The following SEMA3A variants were observed in gnomAD, a reference collection of about 807,000 sequenced individuals.
The protein encoded by SEMA3A is semaphorin 3A.
Under a neutral mutation model 97.9 loss-of-function variants are expected in SEMA3A, and 29 were observed. The ratio of observed to expected loss-of-function variants is 0.30; its 90% confidence interval spans 0.22 to 0.40. The LOEUF (loss-of-function observed/expected upper bound fraction) is 0.40. SEMA3A is among the 10% of genes least tolerant of loss of function. The pLI, the probability that SEMA3A is intolerant of heterozygous loss-of-function variation, is 1.00. For missense variants in SEMA3A, 763 were observed against 951.3 expected, an observed-to-expected ratio of 0.80 and a Z score of 2.60; for synonymous variants, 321 against 323.7, an observed-to-expected ratio of 0.99 and a Z score of 0.09.
At chr7:84,321,508 C>T (rs1003006552) in intron 2 of SEMA3A, among the ~76,000 whole-genome samples, 1 of 152,042 alleles carries the variant, frequency 6.6e-6, no homozygotes, top group Non-Finnish European at 1.5e-5. Flanking sequence ...TGCAACTAAC[C>T]AGTTATGTGA....
At chr7:84,215,223 T>C (rs1798720857) in intron 3 of SEMA3A, among the ~76,000 whole-genome samples, 1 of 151,972 alleles carries the variant, frequency 6.6e-6, no homozygotes, top group South Asian at 2.1e-4. Flanking sequence ...TTTACTCTTG[T>C]TGCCCAGGCT....
chr7:84,226,357 AC>A (rs1240344647), intron 3 of SEMA3A, among the ~76,000 whole-genome samples: 1 of 152,102 alleles, frequency 6.6e-6, no homozygotes, highest in African/African-American at 2.4e-5. Flanking sequence ...ATAAAGCTTT[AC>A]AAAAACTAAA....
chr7:84,162,922 G>C (rs1398174037), intron 1 of SEMA3A, among the ~76,000 whole-genome samples: 1 of 152,120 alleles, frequency 6.6e-6, no homozygotes, highest in Non-Finnish European at 1.5e-5. Flanking sequence ...TAGAAACTTC[G>C]ATAAGTACCT....
At chr7:84,138,964 G>A (rs1328038303) in intron 1 of SEMA3A, among the ~76,000 whole-genome samples, 1 of 151,888 alleles carries the variant, frequency 6.6e-6, no homozygotes, top group Non-Finnish European at 1.5e-5. Context: ...TCAGTATTCT[G>A]TTTTCCTTAG....
chr7:84,430,152 C>A (rs992620242), intron 1 of SEMA3A, among the ~76,000 whole-genome samples: 1 of 151,822 alleles, frequency 6.6e-6, no homozygotes, highest in African/African-American at 2.4e-5. Context: ...GCACAATTTT[C>A]TTTCATTTGT....
intron 2 of SEMA3A, among the ~76,000 whole-genome samples, chr7:84,321,892 AAAAAAAAG>A (rs1325400014): frequency 5.8e-4 from 70 of 121,434 alleles, no homozygotes; most frequent in African/African-American, 1.4e-3. Context: ...AAAAAAAAAA[AAAAAAAAG>A]AAGAAGAAGA....
intron 5 of SEMA3A, among the ~76,000 whole-genome samples, chr7:84,054,783 C>G (rs1452182128): frequency 3.4e-5 from 5 of 146,874 alleles, no homozygotes; most frequent in Non-Finnish European, 6.0e-5. Flanking sequence ...AGGCGCTCTG[C>G]TTTTTAGAGT....
intron 1 of SEMA3A, among the ~76,000 whole-genome samples, chr7:84,402,188 T>TA (rs1803923255): frequency 6.6e-6 from 1 of 151,962 alleles, no homozygotes; most frequent in African/African-American, 2.4e-5. Flanking sequence ...AATTTAAAAA[T>TA]AAAAAAGGCC....
intron 15 of SEMA3A, among the ~76,000 whole-genome samples, chr7:83,972,117 T>A (rs1648530453): frequency 6.6e-6 from 1 of 151,968 alleles, no homozygotes; most frequent in South Asian, 2.1e-4. Flanking sequence ...ATACAAATGG[T>A]TAAACAGTCA....
intron 3 of SEMA3A, among the ~76,000 whole-genome samples, chr7:84,264,821 G>A (rs1370071124): frequency 6.6e-6 from 1 of 152,142 alleles, no homozygotes; most frequent in African/African-American, 2.4e-5. Flanking sequence ...ACTGTCTCCT[G>A]TAAGTAATCC....
In SEMA3A at chr7:84,363,693, C is replaced by A. The variant is rs369072762; in HGVS notation, c.-169+8131G>T. 6.6e-5 allele frequency among the ~76,000 whole-genome samples: 10 copies of A among 151,916 alleles called. 2 individuals carry two copies. Among genetic ancestry groups the A allele is most frequent in the Admixed American group, 6.6e-5 (1 of 15,198 alleles). ...TGTAACTTTCACAACTATTCTGCTCCTCTTCTATAGCAGCTGTGCTCTTTT... is the reference window on the plus strand; with the variant it reads ...TGTAACTTTCACAACTATTCTGCTCATCTTCTATAGCAGCTGTGCTCTTTT... On this transcript the variant is annotated intron_variant, in intron 2 of 3. Transcript: ENST00000424555.
rs953640835 is a variant in SEMA3A, at chr7:84,376,496, T to G, written c.-245-4596A>C. ...GCGGGCGCCTGTAGTCCCAGCTACT[T>G]GGGAGGCTGAGGCAGGAGAATGGCG... On this transcript the variant is annotated intron_variant, in intron 1 of 3. Coordinates refer to the SEMA3A transcript ENST00000424555. Among the ~76,000 whole-genome samples the G allele has an allele frequency of 6.7e-5, 9 of 134,952 alleles. 1 individual carries two copies. Among genetic ancestry groups the G allele is most frequent in the Non-Finnish European group, 1.4e-4 (9 of 64,162 alleles). The allele number at this position is 134,952 out of a possible 152,430, so 88.5% of individuals were successfully genotyped here. A position where few individuals can be genotyped will look rare whatever the true frequency, so the allele number is the denominator to read the frequency against.
intron 3 of SEMA3A, among the ~76,000 whole-genome samples, chr7:84,221,351 A>G (rs1798876866): frequency 6.6e-6 from 1 of 152,012 alleles, no homozygotes; most frequent in African/African-American, 2.4e-5. Flanking sequence ...AAGCTGTTTT[A>G]CCTTCTTATC....
rs1232369076 is a variant in SEMA3A, at chr7:83,960,766, A to C, written c.*605T>G. The stretch of plus-strand genomic sequence containing the variant: ...TACATCTTTAGATCAAAGCTGAAAG[A>C]AGACATCAGTAGTAGATCAGTGTAT... On this transcript the variant is annotated 3_prime_UTR_variant, in exon 17 of 17. Coordinates refer to ENST00000265362, the MANE Select transcript of SEMA3A (RefSeq NM_006080.3). 1 of 152,600 alleles carries C rather than the reference A, an allele frequency of 6.6e-6. No individual in the cohort carries two copies. Among genetic ancestry groups the C allele is most frequent in the Non-Finnish European group, 1.5e-5 (1 of 68,070 alleles). The allele number at this position is 152,600 out of a possible 1,614,324, so 9.5% of individuals were successfully genotyped here.
At chr7:84,213,440 A>G (rs1798679199) in intron 3 of SEMA3A, among the ~76,000 whole-genome samples, 1 of 152,120 alleles carries the variant, frequency 6.6e-6, no homozygotes, top group South Asian at 2.1e-4. Context: ...AACCACACTC[A>G]GCTAATTTTT....
At chr7:84,393,343 A>G (rs1206721533) in intron 1 of SEMA3A, among the ~76,000 whole-genome samples, 2 of 152,106 alleles carry the variant, frequency 1.3e-5, no homozygotes, top group Non-Finnish European at 2.9e-5. Flanking sequence ...TTGAAAATCA[A>G]TTGACTATAA....
chr7:84,285,965 C>T (rs1289098080), intron 3 of SEMA3A, among the ~76,000 whole-genome samples: 1 of 117,798 alleles, frequency 8.5e-6, no homozygotes, highest in East Asian at 3.1e-4. Context: ...AATCAGACCC[C>T]ATCTCAAAAA....
At chr7:84,467,305 G>A (rs766986533) in intron 1 of SEMA3A, among the ~76,000 whole-genome samples, 5 of 151,900 alleles carry the variant, frequency 3.3e-5, no homozygotes, top group Non-Finnish European at 7.4e-5. Context: ...AGTGGATCAC[G>A]AGGTCAGGAG....
intron 3 of SEMA3A, among the ~76,000 whole-genome samples, chr7:84,222,609 A>G (rs1324944246): frequency 6.6e-6 from 1 of 151,946 alleles, no homozygotes; most frequent in Non-Finnish European, 1.5e-5. Flanking sequence ...CTTAATATTA[A>G]TTGTAAACAT....
Sources: allele counts gnomAD v4.1 joint callset (sites outside exome capture counted in the v4.1 genomes callset), GRCh38; gene constraint gnomAD v4.1.1; transcripts MANE v1.5; gene names NCBI Gene and HGNC (gene_info 2026-07-23, HGNC 2026-07-21).